PDE4D: variants seen among roughly 807,000 people sequenced by gnomAD.
PDE4D encodes the protein 3',5'-cyclic-AMP phosphodiesterase 4D.
A neutral mutation model predicts 87.4 loss-of-function variants in PDE4D; 24 were observed. The ratio of observed to expected loss-of-function variants is 0.27; its 90% CI spans 0.20 to 0.39. The LOEUF is 0.39. Ranked by LOEUF, PDE4D falls within the 10% of genes least tolerant of loss-of-function variation. The pLI, the probability that PDE4D is intolerant of heterozygous loss-of-function variation, is 1.00. For missense variants in PDE4D, 714 were observed against 1,041.0 expected, an observed-to-expected ratio of 0.69 and a Z score of 4.32; for synonymous variants, 384 against 383.2, an observed-to-expected ratio of 1.00 and a Z score of -0.02.
intron 5 of PDE4D, among the ~76,000 whole-genome samples, chr5:59,051,453 G>C (rs1003018649): frequency 3.3e-5 from 5 of 152,130 alleles, no homozygotes; most frequent in Admixed American, 6.5e-5. Context: ...ATTTGTCATT[G>C]GTTAATGACA....
At chr5:60,326,465 G>C (rs1255669978) in intron 1 of PDE4D, among the ~76,000 whole-genome samples, 1 of 152,014 alleles carries the variant, frequency 6.6e-6, no homozygotes, top group Non-Finnish European at 1.5e-5. Flanking sequence ...CTTAAATTTT[G>C]TCCTGTGTTT....
intron 1 of PDE4D, among the ~76,000 whole-genome samples, chr5:59,805,907 G>A (rs929653452): frequency 2.6e-5 from 4 of 152,108 alleles, no homozygotes; most frequent in Non-Finnish European, 5.9e-5. Context: ...CCACCTCCCC[G>A]TCTGTCAGGG....
intron 6 of PDE4D, among the ~76,000 whole-genome samples, chr5:58,998,749 T>TA (rs1218188340): frequency 5.9e-5 from 9 of 152,084 alleles, no homozygotes; most frequent in African/African-American, 2.2e-4. Context: ...TTCAAGCGAG[T>TA]GGCTCAAATA....
intron 1 of PDE4D, among the ~76,000 whole-genome samples, chr5:60,326,072 G>C (rs1430990083): frequency 6.6e-6 from 1 of 152,076 alleles, no homozygotes; most frequent in Non-Finnish European, 1.5e-5. Context: ...ACCCACTGAA[G>C]GACATCTGTG....
intron 1 of PDE4D, among the ~76,000 whole-genome samples, chr5:60,211,985 G>A (rs918285992): frequency 3.3e-5 from 5 of 152,126 alleles, no homozygotes; most frequent in African/African-American, 9.7e-5. Flanking sequence ...TGTTTTGGAG[G>A]CTTCAGAGTG....
intron 1 of PDE4D, among the ~76,000 whole-genome samples, chr5:60,289,392 A>G (rs1421382139): frequency 6.6e-6 from 1 of 152,164 alleles, no homozygotes; most frequent in African/African-American, 2.4e-5. Context: ...AGTAAATTTT[A>G]GACAATTTGG....
At chr5:59,523,867 G>A (rs1189071384) in intron 1 of PDE4D, among the ~76,000 whole-genome samples, 8 of 152,096 alleles carry the variant, frequency 5.3e-5, no homozygotes, top group Non-Finnish European at 1.0e-4. Context: ...TTTTATAAGG[G>A]GCTTTTTCCC....
At chr5:59,262,164 T>C (rs1344217953) in intron 1 of PDE4D, among the ~76,000 whole-genome samples, 1 of 151,924 alleles carries the variant, frequency 6.6e-6, no homozygotes, top group African/African-American at 2.4e-5. Flanking sequence ...AGACCATAAA[T>C]TTTATGAAGC....
intron 1 of PDE4D, among the ~76,000 whole-genome samples, chr5:59,674,637 T>C (rs1168788286): frequency 6.6e-6 from 1 of 152,214 alleles, no homozygotes; most frequent in Non-Finnish European, 1.5e-5. Flanking sequence ...CATGTCCAAA[T>C]GGCTTTCTTT....
chr5:60,203,898 A>G (rs1742200642), intron 1 of PDE4D, among the ~76,000 whole-genome samples: 1 of 152,220 alleles, frequency 6.6e-6, no homozygotes, highest in Non-Finnish European at 1.5e-5. Context: ...AGTACTAACA[A>G]AGTTAATGAA....
intron 1 of PDE4D, among the ~76,000 whole-genome samples, chr5:59,424,038 A>C (rs1794859112): frequency 6.6e-6 from 1 of 152,160 alleles, no homozygotes; most frequent in East Asian, 1.9e-4. Flanking sequence ...AAGGAGGAAG[A>C]GTGTACCTGC....
At chr5:59,625,099 A>G (rs181607158) in intron 1 of PDE4D, among the ~76,000 whole-genome samples, 7 of 152,302 alleles carry the variant, frequency 4.6e-5, no homozygotes, top group African/African-American at 1.4e-4. Context: ...TTAAGATAAG[A>G]TTATCAGGGT....
chr5:59,315,473 A>G (rs896412646), intron 1 of PDE4D, among the ~76,000 whole-genome samples: 61 of 152,162 alleles, frequency 4.0e-4, no homozygotes, highest in African/African-American at 1.4e-3. Context: ...TGAGGGGGGA[A>G]TATGTTAGGG....
At position 60,123,508 on chromosome 5, in the gene PDE4D, T is replaced by C. The variant is rs143873690; in HGVS notation, c.42+62049A>G. 1.3e-3 allele frequency among the ~76,000 whole-genome samples: 192 copies of C among 152,194 alleles called. 1 individual carries two copies. The highest frequency in any genetic ancestry group is 4.5e-3 in the African/African-American group (187 of 41,522). On this transcript the variant is annotated intron_variant, in intron 2 of 16. Transcript: ENST00000502484. ...ATCAGATCTTGTGACACTTATTCAC[T>C]ACCATGAGAGCAGTATGGGGGAAAG...
intron 1 of PDE4D, among the ~76,000 whole-genome samples, chr5:59,324,171 C>A (rs1775225977): frequency 6.6e-6 from 1 of 152,188 alleles, no homozygotes; most frequent in Non-Finnish European, 1.5e-5. Context: ...CTTGCTCAAG[C>A]AAGCATGGCC....
intron 1 of PDE4D, among the ~76,000 whole-genome samples, chr5:60,250,400 C>T (rs1292167201): frequency 6.6e-6 from 1 of 151,866 alleles, no homozygotes; most frequent in Non-Finnish European, 1.5e-5. Context: ...TGTCTCAAAG[C>T]AGCAAAAACT....
intron 2 of PDE4D, among the ~76,000 whole-genome samples, chr5:60,114,792 A>G (rs942778557): frequency 2.6e-5 from 4 of 152,122 alleles, no homozygotes; most frequent in African/African-American, 7.2e-5. Flanking sequence ...AGGCAATATT[A>G]CCACTTTAAA....
chr5:59,430,482 T>C (rs1443406308), intron 1 of PDE4D: 53 of 1,190,324 alleles, frequency 4.5e-5, no homozygotes, highest in Non-Finnish European at 5.4e-5. Context: ...CTGGGAAGGC[T>C]GGAAAGAACA....
At chr5:60,347,646 C>T (rs1197203383) in intron 1 of PDE4D, among the ~76,000 whole-genome samples, 1 of 152,062 alleles carries the variant, frequency 6.6e-6, no homozygotes, top group African/African-American at 2.4e-5. Context: ...AAGTAAAGGA[C>T]ATGCCCAGAC....
Sources: gnomAD v4.1 joint callset for allele counts (sites outside exome capture counted in the v4.1 genomes callset) on GRCh38, gnomAD v4.1.1 for gene constraint, MANE v1.5 for transcripts, NCBI Gene and HGNC (gene_info 2026-07-23, HGNC 2026-07-21) for gene names.